The following CACNG4 variants were observed in gnomAD, a reference collection of about 807,000 sequenced individuals.
The protein encoded by CACNG4 is voltage-dependent calcium channel gamma-4 subunit.
A neutral mutation model predicts 22.9 loss-of-function variants in CACNG4; 8 were observed. The ratio of observed to expected loss-of-function variants is 0.35; its 90% CI spans 0.21 to 0.63. The LOEUF (loss-of-function observed/expected upper bound fraction) is 0.63. CACNG4 is among the 30% of genes least tolerant of loss of function. The probability of loss-of-function intolerance (pLI) is 0.72; values close to 1 mark genes in which losing one functional copy is unlikely to be tolerated. For synonymous variants in CACNG4, 188 were observed against 191.9 expected, an observed-to-expected ratio of 0.98 and a Z score of 0.17; for missense variants, 357 against 455.4, an observed-to-expected ratio of 0.78 and a Z score of 1.97.
chr17:66,992,381 T>G (rs1299455964), intron 1 of CACNG4, among the ~76,000 whole-genome samples: 1 of 152,236 alleles, frequency 6.6e-6, no homozygotes, highest in African/African-American at 2.4e-5. Flanking sequence ...TCCCCACCTA[T>G]CATTCATTCA....
In CACNG4 at chr17:67,031,767, T is replaced by TCAG; in HGVS notation, c.*764_*766dup. 2.2e-6 allele frequency: 1 copy of TCAG among 456,728 alleles called. No homozygotes were observed. 28.3% of individuals were successfully genotyped at this position (456,728 alleles called of 1,614,324 possible). On this transcript the variant is annotated 3_prime_UTR_variant, in exon 4 of 4. Transcript: ENST00000262138. The surrounding 1 kb of genome is among the most constrained non-coding windows in gnomAD (Gnocchi z 4.0). Reference sequence around the variant, plus strand: ...GCAGGACAGACCCACTGACTGGACTTCAGAGTCTGGAGGGTTCCATCGGTC... The same window carrying TCAG: ...GCAGGACAGACCCACTGACTGGACTTCAGCAGAGTCTGGAGGGTTCCATCGGTC...
At chr17:66,994,549 AG>A (rs1434158433) in intron 1 of CACNG4, among the ~76,000 whole-genome samples, 2 of 152,144 alleles carry the variant, frequency 1.3e-5, no homozygotes, top group Non-Finnish European at 2.9e-5. Context: ...CTGGCCCCCC[AG>A]GGGCCCAGTC....
intron 3 of CACNG4, among the ~76,000 whole-genome samples, chr17:67,025,301 C>CA (rs1439531564): frequency 1.3e-5 from 2 of 152,244 alleles, no homozygotes; most frequent in Non-Finnish European, 2.9e-5. Context: ...TTTTATCTTG[C>CA]ATGAATTTCA....
At chr17:67,026,209 G>A (rs2035565021) in intron 3 of CACNG4, among the ~76,000 whole-genome samples, 1 of 151,212 alleles carries the variant, frequency 6.6e-6, no homozygotes, top group African/African-American at 2.4e-5. Flanking sequence ...GAGGACTGTG[G>A]TGTGTTTGTG....
chr17:67,022,713 G>T (rs950368858), intron 2 of CACNG4, among the ~76,000 whole-genome samples: 7 of 152,258 alleles, frequency 4.6e-5, no homozygotes, highest in African/African-American at 1.4e-4. Flanking sequence ...TCCCCTGCGG[G>T]GGCCACCAAG....
chr17:66,982,371 T>C (rs1054297730), intron 1 of CACNG4, among the ~76,000 whole-genome samples: 1 of 152,112 alleles, frequency 6.6e-6, no homozygotes, highest in Non-Finnish European at 1.5e-5. Context: ...TACAAACCTC[T>C]AGCTAGCCAC....
At chr17:67,011,457 C>T (rs1423722216) in intron 1 of CACNG4, among the ~76,000 whole-genome samples, 1 of 152,164 alleles carries the variant, frequency 6.6e-6, no homozygotes, top group Non-Finnish European at 1.5e-5. Flanking sequence ...CTCATGGCGC[C>T]ACCTAAAATG....
Position 67,027,286 on chromosome 17 carries a change from G to A in CACNG4, c.445+2286G>A, listed in dbSNP as rs1260442855. 6.6e-6 allele frequency among the ~76,000 whole-genome samples: 1 copy of A among 152,238 alleles called. No individual in the cohort carries two copies. Among genetic ancestry groups the A allele is most frequent in the African/African-American group, 2.4e-5 (1 of 41,458 alleles). On this transcript the variant is annotated intron_variant, in intron 3 of 3. Transcript: ENST00000262138. The surrounding 1 kb of genome is among the most constrained non-coding windows in gnomAD (Gnocchi z 4.3). ...GTTTCAAAGGCAGGCCCAGATGCTT[G>A]GTGCCACCAGAGGGACTTGGAGCCT...
At chr17:67,024,236 A>G (rs1015553323) in intron 2 of CACNG4, among the ~76,000 whole-genome samples, 4 of 152,216 alleles carry the variant, frequency 2.6e-5, no homozygotes, top group African/African-American at 9.6e-5. Flanking sequence ...CAAGGTATAG[A>G]ATGGCCAGGC....
chr17:66,975,757 C>G (rs1176177325), intron 1 of CACNG4, among the ~76,000 whole-genome samples: 1 of 152,194 alleles, frequency 6.6e-6, no homozygotes, highest in Admixed American at 6.5e-5. Context: ...ATTTCCTCAC[C>G]TCTCAGAGGC....
intron 1 of CACNG4, among the ~76,000 whole-genome samples, chr17:67,015,336 A>C (rs1484124252): frequency 6.6e-6 from 1 of 151,946 alleles, no homozygotes; most frequent in Non-Finnish European, 1.5e-5. Flanking sequence ...AACTATTGAC[A>C]TGGAGAACAT....
At chr17:66,971,248 G>C (rs1004664659) in intron 1 of CACNG4, among the ~76,000 whole-genome samples, 26 of 147,642 alleles carry the variant, frequency 1.8e-4, no homozygotes, top group African/African-American at 5.7e-4. Context: ...TTTCCAGCCA[G>C]AAGAGCCTTG....
At chr17:66,967,226 C>A (rs1375758444) in intron 1 of CACNG4, among the ~76,000 whole-genome samples, 2 of 152,260 alleles carry the variant, frequency 1.3e-5, no homozygotes, top group Non-Finnish European at 2.9e-5. Context: ...GAGCCCCAAG[C>A]TGATCTGGGC....
At chr17:66,997,422 G>C (rs2035381941) in intron 1 of CACNG4, among the ~76,000 whole-genome samples, 1 of 152,210 alleles carries the variant, frequency 6.6e-6, no homozygotes, top group Admixed American at 6.5e-5. Context: ...TGACACCTTA[G>C]TTTGAGCCAT....
At chr17:66,986,417 A>G (rs920629036) in intron 1 of CACNG4, among the ~76,000 whole-genome samples, 2 of 152,156 alleles carry the variant, frequency 1.3e-5, no homozygotes, top group African/African-American at 4.8e-5. Context: ...GCCCGGGGGG[A>G]TGAGTCCTGA....
intron 2 of CACNG4, among the ~76,000 whole-genome samples, chr17:67,018,582 T>C (rs1400074922): frequency 6.6e-6 from 1 of 152,174 alleles, no homozygotes; most frequent in Non-Finnish European, 1.5e-5. Context: ...AGTTACTGAC[T>C]GGCTGGAGCT....
chr17:66,995,563 G>T (rs1193941829), intron 1 of CACNG4, among the ~76,000 whole-genome samples: 1 of 152,110 alleles, frequency 6.6e-6, no homozygotes, highest in African/African-American at 2.4e-5. Flanking sequence ...GTTAAAAATG[G>T]GATCTAGGCC....
At chr17:66,969,841 C>T (rs899093102) in intron 1 of CACNG4, among the ~76,000 whole-genome samples, 5 of 152,184 alleles carry the variant, frequency 3.3e-5, no homozygotes, top group Non-Finnish European at 5.9e-5. Flanking sequence ...TAGCCTTTCT[C>T]CACCCACTCC....
Position 67,032,000 on chromosome 17 carries a change from A to T in CACNG4, c.*996A>T. 1 of 456,398 alleles carries T rather than the reference A, an allele frequency of 2.2e-6. No individual in the cohort carries two copies. The highest frequency in any genetic ancestry group is 2.4e-5 in the Admixed American group (1 of 42,534). The allele number at this position is 456,398 out of a possible 1,614,324, so 28.3% of individuals were successfully genotyped here. On this transcript the variant is annotated 3_prime_UTR_variant, in exon 4 of 4. Transcript: ENST00000262138. The surrounding 1 kb of genome is among the most constrained non-coding windows in gnomAD (Gnocchi z 4.0). ...CCAATAAAAACCCTAGAGAACAAAC[A>T]TCCATTTCCTAGGTGGTTACAAATC...
Sources: gnomAD v4.1 joint callset for allele counts (sites outside exome capture counted in the v4.1 genomes callset) on GRCh38, gnomAD v4.1.1 for gene constraint, Gnocchi (gnomAD v3.1) non-coding constraint, MANE v1.5 for transcripts, NCBI Gene and HGNC (gene_info 2026-07-23, HGNC 2026-07-21) for gene names.